Variants in DNAI7 observed in about 807,000 individuals in gnomAD.
The protein encoded by DNAI7 is dynein axonemal intermediate chain 7, also known as cancer susceptibility 1.
Under a neutral mutation model 86.6 loss-of-function variants are expected in DNAI7, and 78 were observed. The ratio of observed to expected loss-of-function variants is 0.90; its 90% CI spans 0.75 to 1.09. The LOEUF (loss-of-function observed/expected upper bound fraction) is 1.09, where lower values mean the gene tolerates loss of function less well. DNAI7 is among the 50% of genes least tolerant of loss of function. The pLI, the probability that DNAI7 is intolerant of heterozygous loss-of-function variation, is 0.00. For missense variants in DNAI7, 753 were observed against 810.2 expected, an observed-to-expected ratio of 0.93 and a Z score of 0.86; for synonymous variants, 274 against 273.0, an observed-to-expected ratio of 1.00 and a Z score of -0.04.
intron 2 of DNAI7, among the ~76,000 whole-genome samples, chr12:25,161,942 G>C (rs900618545): frequency 1.3e-5 from 2 of 152,132 alleles, no homozygotes; most frequent in Non-Finnish European, 2.9e-5. Context: ...TGGCTATAAA[G>C]AATATAATTT....
At chr12:25,147,129 T>C in intron 7 of DNAI7, 25 bp from the exon 8 acceptor site, 1 of 1,194,490 alleles carries the variant, frequency 8.4e-7, no homozygotes, top group Non-Finnish European at 1.2e-6. Flanking sequence ...GAAAACATTA[T>C]AAAGGGCCAC....
intron 2 of DNAI7, among the ~76,000 whole-genome samples, chr12:25,179,132 T>C (rs962650552): frequency 6.6e-6 from 1 of 152,156 alleles, no homozygotes; most frequent in African/African-American, 2.4e-5. Flanking sequence ...ATTATATTAC[T>C]TCTTGACCCA....
chr12:25,117,790 C>T (rs1327386908), intron 12 of DNAI7, among the ~76,000 whole-genome samples: 2 of 152,166 alleles, frequency 1.3e-5, no homozygotes, highest in Non-Finnish European at 1.5e-5. Flanking sequence ...GCCCATTCCT[C>T]ATCCCCAATA....
intron 6 of DNAI7, 63 bp from the exon 7 acceptor site, chr12:25,149,837 G>A (rs1188979076): frequency 9.7e-7 from 1 of 1,028,172 alleles, no homozygotes; most frequent in African/African-American, 1.6e-5. Context: ...AGTGAAAAAG[G>A]GAATGTTTTA....
chr12:25,127,109 G>A (rs1463150605), intron 9 of DNAI7, among the ~76,000 whole-genome samples: 3 of 151,946 alleles, frequency 2.0e-5, no homozygotes, highest in Non-Finnish European at 4.4e-5. Flanking sequence ...ACTCTTTTTT[G>A]AAGTTAGACT....
At chr12:25,125,997 T>A (rs1397937851) in intron 9 of DNAI7, among the ~76,000 whole-genome samples, 3 of 152,228 alleles carry the variant, frequency 2.0e-5, no homozygotes, top group African/African-American at 7.2e-5. Flanking sequence ...AGTACCACGC[T>A]GTTTTGGTTA....
chr12:25,173,951 A>ATATATATCATATATATGGAATG (rs1565807850), intron 2 of DNAI7, among the ~76,000 whole-genome samples: 78 of 143,254 alleles, frequency 5.4e-4, no homozygotes, highest in Middle Eastern at 3.6e-3. Flanking sequence ...TATATGGAAT[A>ATATATATCATATATATGGAATG]CATATATCAT....
intron 2 of DNAI7, among the ~76,000 whole-genome samples, chr12:25,174,407 G>T (rs200798385): frequency 0.056 from 16 of 286 alleles, 5 homozygotes; most frequent in African/African-American, 0.067. Flanking sequence ...ATATATATGG[G>T]ATATATGGGA....
At chr12:25,136,115 T>A (rs1222891468) in intron 9 of DNAI7, among the ~76,000 whole-genome samples, 10 of 152,136 alleles carry the variant, frequency 6.6e-5, no homozygotes, top group African/African-American at 2.4e-4. Flanking sequence ...AGAAAACCAG[T>A]GCCCTAAACA....
At chr12:25,146,727 A>C (rs1944889736) in intron 8 of DNAI7, among the ~76,000 whole-genome samples, 1 of 152,200 alleles carries the variant, frequency 6.6e-6, no homozygotes, top group African/African-American at 2.4e-5. Flanking sequence ...ACTATGCTAT[A>C]ACTATGCTAT....
At position 25,161,193 on chromosome 12, in the gene DNAI7, C is replaced by T. The variant is rs767677999; in HGVS notation, c.26G>A (p.Gly9Asp). The T allele has an allele frequency of 1.9e-6, 3 of 1,613,186 alleles. No individual in the cohort carries two copies. In the African/African-American group the frequency reaches 4.0e-5, roughly 22 times the overall value. MGPKAKKS[G>D]SKKKKVTKAE... ...TTTGGTGACTTTCTTTTTCTTACTG[C>T]CAGACTTAACAAAGGCCACATCATA... Residue 9 changes from glycine to aspartate, a missense_variant, in exon 3 of 16, where the codon GGC (glycine) becomes GAC (aspartate). Gly to Asp is a moderately conservative substitution (Grantham distance 94). Transcript: ENST00000395987.
chr12:25,152,794 C>CA (rs1945711130), intron 6 of DNAI7, among the ~76,000 whole-genome samples: 1 of 152,172 alleles, frequency 6.6e-6, no homozygotes, highest in Admixed American at 6.5e-5. Flanking sequence ...AAGGACACTT[C>CA]AGTAGGAATC....
chr12:25,174,604 G>GGGATATATATCATATATATGGA (rs1948713606), intron 2 of DNAI7, among the ~76,000 whole-genome samples: 1 of 96,544 alleles, frequency 1.0e-5, no homozygotes, highest in Non-Finnish European at 1.9e-5. Flanking sequence ...ATATATATAT[G>GGGATATATATCATATATATGGA]ATATATATAT....
intron 2 of DNAI7, among the ~76,000 whole-genome samples, chr12:25,171,722 A>G (rs1227936558): frequency 6.6e-6 from 1 of 152,224 alleles, no homozygotes; most frequent in African/African-American, 2.4e-5. Context: ...AAAATCCTTA[A>G]CAAAATACTA....
At chr12:25,178,792 G>A (rs1031042273) in intron 2 of DNAI7, among the ~76,000 whole-genome samples, 4 of 152,100 alleles carry the variant, frequency 2.6e-5, no homozygotes, top group African/African-American at 9.7e-5. Context: ...TCATGGAGAA[G>A]GCGGCATTTA....
At chr12:25,160,015 G>A (rs551047982) in intron 3 of DNAI7, among the ~76,000 whole-genome samples, 5 of 151,524 alleles carry the variant, frequency 3.3e-5, no homozygotes, top group African/African-American at 1.2e-4. Context: ...GCTGCTCTAT[G>A]TATTTCTTGC....
At chr12:25,138,453 C>T (rs890951721) in intron 9 of DNAI7, among the ~76,000 whole-genome samples, 2 of 152,090 alleles carry the variant, frequency 1.3e-5, no homozygotes, top group Non-Finnish European at 2.9e-5. Context: ...CAGAGTAAGA[C>T]TCGGTCTCAA....
At chr12:25,127,667 C>T (rs1349655773) in intron 9 of DNAI7, among the ~76,000 whole-genome samples, 1 of 152,104 alleles carries the variant, frequency 6.6e-6, no homozygotes, top group East Asian at 1.9e-4. Flanking sequence ...TGGCTTATAC[C>T]ATGAAAGAAT....
chr12:25,158,660 A>G, intron 3 of DNAI7, 97 bp from the exon 4 acceptor site: 2 of 1,510,816 alleles, frequency 1.3e-6, no homozygotes, highest in Non-Finnish European at 1.8e-6. Flanking sequence ...TAGTGGTGGA[A>G]TCTTTTATAG....
Sources: allele counts gnomAD v4.1 joint callset (sites outside exome capture counted in the v4.1 genomes callset), GRCh38; gene constraint gnomAD v4.1.1; transcripts MANE v1.5; gene names NCBI Gene and HGNC (gene_info 2026-07-23, HGNC 2026-07-21).